Variants in UBXN11 observed in about 807,000 individuals in gnomAD.
UBXN11 encodes UBX domain protein 11, also known as UBX domain-containing protein 11.
A neutral mutation model predicts 62.8 loss-of-function variants in UBXN11; 47 were observed. The ratio of observed to expected loss-of-function variants is 0.75; its 90% CI spans 0.59 to 0.95. The LOEUF is 0.95. Ranked by LOEUF, UBXN11 falls within the 40% of genes least tolerant of loss-of-function variation. The pLI is 0.00. For synonymous variants in UBXN11, 294 were observed against 267.0 expected (o/e 1.10, Z -0.99); for missense variants, 638 against 661.7 (o/e 0.96, Z 0.39).
upstream of UBXN11, among the ~76,000 whole-genome samples, chr1:26,311,521 CAG>C (rs1382617235): frequency 6.6e-6 from 1 of 151,468 alleles, no homozygotes; most frequent in Non-Finnish European, 1.5e-5. Flanking sequence ...TGGCTCACTG[CAG>C]ACTCTGCCTC....
At chr1:26,297,787 C>T (rs963053411) in intron 5 of UBXN11, among the ~76,000 whole-genome samples, 175 bp downstream of exon 5, 1 of 152,210 alleles carries the variant, frequency 6.6e-6, no homozygotes, top group Non-Finnish European at 1.5e-5. Context: ...CCCAGCCTCT[C>T]GGCTCAGGTC....
Position 26,282,447 on chromosome 1 carries a change from C to T in UBXN11, c.1415G>A (p.Arg472His), listed in dbSNP as rs780262736. ...TTTCAGGCTGGACTTCGGGGCTCGG[C>T]GTGCCCGCAGCAGCAGTGCTGCTTT... ...VPKAALLLRA[R>H]RAPKSSLKFS... is the part of the protein sequence containing the mutation. Residue 472 changes from arginine to histidine, a missense_variant, in exon 15 of 15, where the codon CGC (arginine) becomes CAC (histidine). Physicochemically the swap from Arg to His is conservative, Grantham distance 29. Coordinates refer to ENST00000374222, the MANE Select transcript of UBXN11 (RefSeq NM_001389556.1). The T allele has an allele frequency of 1.3e-5, 21 of 1,611,290 alleles. No individual in the cohort carries two copies. The highest frequency in any genetic ancestry group is 5.3e-5 in the African/African-American group (4 of 74,830).
chr1:26,306,824 CG>C (rs1344172803), upstream of UBXN11: 7 of 5,168 alleles, frequency 1.4e-3, 1 homozygote, highest in South Asian at 5.5e-3. Context: ...AGGTCCGGGG[CG>C]GGGTGGGGGG....
Position 26,301,832 on chromosome 1 carries a change from G to A in UBXN11, c.72-110C>T. On this transcript the variant is annotated intron_variant, in intron 2 of 14. Transcript: ENST00000374222. ...TCAGCCAAAGCTCAAAGAGATGGAAGCAGGGCCTCTAACTCCTGAGGACTT... is the reference window on the plus strand; with the variant it reads ...TCAGCCAAAGCTCAAAGAGATGGAAACAGGGCCTCTAACTCCTGAGGACTT... The A allele has an allele frequency of 4.2e-6, 6 of 1,442,910 alleles. No homozygotes were observed. The East Asian group carries it at 1.2e-4, about 28-fold the overall frequency. The allele number at this position is 1,442,910 out of a possible 1,614,324, so 89.4% of individuals were successfully genotyped here. A position where few individuals can be genotyped will look rare whatever the true frequency, so the allele number is the denominator to read the frequency against.
intron 6 of UBXN11, 135 bp from the exon 7 acceptor site, chr1:26,297,130 C>T: frequency 9.2e-7 from 1 of 1,086,388 alleles, no homozygotes; most frequent in Non-Finnish European, 1.3e-6. Flanking sequence ...ACCTCTCTGG[C>T]CTCTCCTCTG....
intron 1 of UBXN11, among the ~76,000 whole-genome samples, chr1:26,315,960 CT>C (rs34193565): frequency 3.4e-4 from 39 of 114,512 alleles, no homozygotes; most frequent in African/African-American, 7.8e-4. Flanking sequence ...GTTTCCTGGC[CT>C]TTTTTTTTTT....
chr1:26,283,019 G>T, intron 12 of UBXN11, 82 bp from the exon 13 acceptor site: 1 of 1,572,454 alleles, frequency 6.4e-7, no homozygotes, highest in Admixed American at 1.7e-5. Flanking sequence ...ACACTTCCTT[G>T]ACCAGGGACA....
In UBXN11 at chr1:26,296,994, G is replaced by A. The variant is rs41285345; in HGVS notation, c.357C>T (p.Ala119=). The A allele has an allele frequency of 4.9e-4, 784 of 1,600,676 alleles. 1 individual carries two copies. The highest frequency in any genetic ancestry group is 6.0e-4 in the Non-Finnish European group (706 of 1,173,142). ...CCTCCTGCCGCTGCAGGGTTGCCTCGGCTTCAGGGAAAGACAGGGACAGGC... is the reference window on the plus strand; with the variant it reads ...CCTCCTGCCGCTGCAGGGTTGCCTCAGCTTCAGGGAAAGACAGGGACAGGC... ...DLVQTLRPHP[A]EATLQRQEEL... Residue 119 remains alanine, a splice_region_variant and synonymous_variant, in exon 7 of 15, where the codon GCC becomes GCT. Coordinates refer to ENST00000374222, the MANE Select transcript of UBXN11 (RefSeq NM_001389556.1).
intron 1 of UBXN11, among the ~76,000 whole-genome samples, chr1:26,316,125 A>ATTTTTTTTTT (rs57889417): frequency 2.2e-5 from 2 of 91,464 alleles, no homozygotes. Context: ...TGCCCGGCTA[A>ATTTTTTTTTT]TTTTTTTTTT....
At chr1:26,306,767 T>A (rs530283155), upstream of UBXN11, 7 of 139,028 alleles carry the variant, frequency 5.0e-5, no homozygotes, top group Non-Finnish European at 1.1e-4. Flanking sequence ...ACAGAGTCGG[T>A]ATTCTTCGCG....
chr1:26,298,197 G>T, intron 4 of UBXN11, 135 bp from the exon 5 acceptor site: 1 of 811,176 alleles, frequency 1.2e-6, no homozygotes, highest in Non-Finnish European at 2.0e-6. Context: ...CATAGGAACT[G>T]TTCTAAACAC....
intron 10 of UBXN11, chr1:26,284,730 C>G (rs1286539818): frequency 7.9e-7 from 1 of 1,269,846 alleles, no homozygotes; most frequent in Admixed American, 4.0e-5. Flanking sequence ...TCCTTGGAGA[C>G]CCCCCTCTCA....
At chr1:26,305,536 TC>T (rs1364824495) in intron 1 of UBXN11, among the ~76,000 whole-genome samples, 1 of 151,904 alleles carries the variant, frequency 6.6e-6, no homozygotes. Flanking sequence ...CAACCACAAA[TC>T]TACTTTCTGT....
At chr1:26,295,804 C>T (rs978979484) in intron 7 of UBXN11, among the ~76,000 whole-genome samples, 2 of 152,340 alleles carry the variant, frequency 1.3e-5, no homozygotes, top group East Asian at 1.9e-4. Flanking sequence ...CTCATGCAGG[C>T]GGGGGACTAT....
chr1:26,285,155 G>A, intron 10 of UBXN11: 1 of 1,147,494 alleles, frequency 8.7e-7, no homozygotes, highest in Non-Finnish European at 1.1e-6. Context: ...TTGGGGGACA[G>A]CCGGGCCACT....
chr1:26,282,320 TCCAGGACAGGGA>T lies in UBXN11; in HGVS notation c.1530_1541del (p.Ser510_Gly514delinsArg). The stretch of plus-strand genomic sequence containing the variant: ...TGCTTTATTGGGGGCTGGGACTGGG[TCCAGGACAGGGA>T]CTGGGGCCGGGACCGGGACCGGGAC... On this transcript the variant is annotated inframe_deletion, in exon 15 of 15. Transcript: ENST00000374222. 4 of 1,361,170 alleles carry T rather than the reference TCCAGGACAGGGA, an allele frequency of 2.9e-6. No individual in the cohort carries two copies. The highest frequency in any genetic ancestry group is 2.8e-6 in the Non-Finnish European group (3 of 1,058,272). The allele number at this position is 1,361,170 out of a possible 1,614,324, so 84.3% of individuals were successfully genotyped here. A position where few individuals can be genotyped will look rare whatever the true frequency, so the allele number is the denominator to read the frequency against.
At position 26,286,017 on chromosome 1, in the gene UBXN11, CAG is replaced by C. The variant is rs1491455130; in HGVS notation, c.578_579del (p.Pro193ArgfsTer5). On this transcript the variant is annotated frameshift_variant, in exon 9 of 15. Coordinates refer to ENST00000374222, the MANE Select transcript of UBXN11 (RefSeq NM_001389556.1). LOFTEE classifies it high-confidence loss of function. Reference sequence around the variant, plus strand: ...GCCAGCAGCCTGTCAAAGTCCACCTCAGGGGGCGCCAATGAGTCCCCTGGCAA... The same window carrying C: ...GCCAGCAGCCTGTCAAAGTCCACCTCGGGGCGCCAATGAGTCCCCTGGCAA... Reference protein sequence around the residue: ...FWKPGDSLAPPEVDFDRLLAS... With the variant: ...FWKPGDSLAPXEVDFDRLLAS... The C allele has an allele frequency of 2.2e-5, 35 of 1,606,628 alleles. No individual in the cohort carries two copies. In the East Asian group the frequency reaches 2.2e-4, roughly 10 times the overall value.
chr1:26,318,229 C>G, exon 1 of UBXN11: 1 of 647,288 alleles, frequency 1.5e-6, no homozygotes, highest in South Asian at 1.8e-5. Context: ...CGGGCCTGGC[C>G]GCCCAGCCTT....
At chr1:26,307,821 C>A (rs2073696969), upstream of UBXN11, among the ~76,000 whole-genome samples, 1 of 151,900 alleles carries the variant, frequency 6.6e-6, no homozygotes, top group Non-Finnish European at 1.5e-5. Context: ...GAGACGGGGT[C>A]TTGCCATGTT....
Sources: allele counts gnomAD v4.1 joint callset (sites outside exome capture counted in the v4.1 genomes callset), GRCh38; gene constraint gnomAD v4.1.1; transcripts MANE v1.5; gene names NCBI Gene and HGNC (gene_info 2026-07-23, HGNC 2026-07-21).